Variants in C1orf146 observed in about 807,000 individuals in gnomAD.
The protein encoded by C1orf146 is protein SPO16 homolog.
In C1orf146, 22 loss-of-function variants were observed where a neutral mutation model predicts 23.0. The observed-to-expected ratio is 0.96, with a 90% CI of 0.68 to 1.36. The LOEUF (loss-of-function observed/expected upper bound fraction) is 1.36. Ranked by LOEUF, C1orf146 falls within the 40% of genes most tolerant of loss-of-function variation. The pLI is 0.00. For synonymous variants in C1orf146, 59 were observed against 65.3 expected, an observed-to-expected ratio of 0.90 and a Z score of 0.47; for missense variants, 199 against 206.8, an observed-to-expected ratio of 0.96 and a Z score of 0.23.
At chr1:92,237,063 TGTAGCTC>T (rs1192142440) in intron 2 of C1orf146, among the ~76,000 whole-genome samples, 1 of 152,184 alleles carries the variant, frequency 6.6e-6, no homozygotes, top group Non-Finnish European at 1.5e-5. Context: ...AATTTCCTCC[TGTAGCTC>T]GTAGTTTGAT....
At chr1:92,219,173 G>T (rs1003978964) in intron 1 of C1orf146, among the ~76,000 whole-genome samples, 1 of 152,126 alleles carries the variant, frequency 6.6e-6, no homozygotes, top group Admixed American at 6.5e-5. Context: ...AGCTATGTGG[G>T]TGTATTAGTA....
intron 1 of C1orf146, among the ~76,000 whole-genome samples, chr1:92,224,824 C>A (rs943418508): frequency 6.6e-6 from 1 of 152,032 alleles, no homozygotes; most frequent in African/African-American, 2.4e-5. Context: ...CTCACTGCAA[C>A]CTCTGCCTCC....
chr1:92,243,229 T>C (rs1045031045), intron 3 of C1orf146, among the ~76,000 whole-genome samples: 5 of 152,118 alleles, frequency 3.3e-5, no homozygotes. Context: ...TTCCTCAGAC[T>C]GTCTCCCACA....
At chr1:92,240,820 G>T in intron 2 of C1orf146, 2 of 415,380 alleles carry the variant, frequency 4.8e-6, no homozygotes, top group Non-Finnish European at 9.9e-6. Context: ...CATTGTGCCT[G>T]GCCAAGTTTA....
At chr1:92,239,106 T>C (rs1047174730) in intron 2 of C1orf146, among the ~76,000 whole-genome samples, 11 of 152,176 alleles carry the variant, frequency 7.2e-5, no homozygotes, top group Non-Finnish European at 1.6e-4. Flanking sequence ...GTTTTTTACA[T>C]TTTTAAACAT....
intron 1 of C1orf146, among the ~76,000 whole-genome samples, chr1:92,222,584 C>CT (rs1651855566): frequency 9.7e-5 from 1 of 10,356 alleles, no homozygotes; most frequent in Non-Finnish European, 2.0e-4. Context: ...TTTCTTTTTT[C>CT]TTTTTTCTTT....
chr1:92,222,535 G>GTTTTTTTT, intron 1 of C1orf146, among the ~76,000 whole-genome samples: 4 of 60,568 alleles, frequency 6.6e-5, no homozygotes, highest in Non-Finnish European at 1.2e-4. Context: ...CCCTTCTTCG[G>GTTTTTTTT]TTTTTTTTTT....
At chr1:92,218,782 G>C (rs927778935) in intron 1 of C1orf146, among the ~76,000 whole-genome samples, 4 of 151,760 alleles carry the variant, frequency 2.6e-5, no homozygotes, top group Non-Finnish European at 5.9e-5. Flanking sequence ...GAAGCTTTTT[G>C]TTTTCAGGTG....
At chr1:92,220,665 T>A (rs1462648196) in intron 1 of C1orf146, among the ~76,000 whole-genome samples, 3 of 152,250 alleles carry the variant, frequency 2.0e-5, no homozygotes, top group Non-Finnish European at 4.4e-5. Context: ...ATGCAATGCA[T>A]GACTGTATCT....
intron 2 of C1orf146, among the ~76,000 whole-genome samples, chr1:92,239,853 C>T (rs982812470): frequency 1.4e-4 from 21 of 152,168 alleles, no homozygotes; most frequent in Non-Finnish European, 1.2e-4. Flanking sequence ...CATTGTCACT[C>T]ATTCACATTT....
At chr1:92,244,033 C>T (rs116502808) in intron 3 of C1orf146, among the ~76,000 whole-genome samples, 184 bp from the exon 4 acceptor site, 1,542 of 151,316 alleles carry the variant, frequency 0.01, 29 homozygotes, top group African/African-American at 0.034. Context: ...TTATACAGAG[C>T]ACTTCAAAGA....
chr1:92,228,277 T>C (rs1652018966), intron 1 of C1orf146, among the ~76,000 whole-genome samples: 1 of 152,224 alleles, frequency 6.6e-6, no homozygotes, highest in African/African-American at 2.4e-5. Context: ...TGTCATATAC[T>C]GCTTTGAACA....
rs41286797 is a variant in C1orf146 at position 92,218,017 on chromosome 1, C to T, written c.-71C>T. ...CGGAACGTTCTGGAAGTTTGGGAAACCCTGAGCGGTCTCTGAGGACCTGGT... is the reference window on the plus strand; with the variant it reads ...CGGAACGTTCTGGAAGTTTGGGAAATCCTGAGCGGTCTCTGAGGACCTGGT... On this transcript the variant is annotated 5_prime_UTR_variant, in exon 1 of 6. Transcript: ENST00000370375. 1 of 152,380 alleles carries T rather than the reference C, an allele frequency of 6.6e-6. No individual in the cohort carries two copies. Among genetic ancestry groups the T allele is most frequent in the Non-Finnish European group, 1.5e-5 (1 of 68,070 alleles). 9.4% of individuals were successfully genotyped at this position (152,380 alleles called of 1,614,324 possible).
intron 3 of C1orf146, among the ~76,000 whole-genome samples, chr1:92,243,805 CAT>C (rs905727074): frequency 6.6e-6 from 1 of 152,186 alleles, no homozygotes; most frequent in African/African-American, 2.4e-5. Context: ...TAGCCCTACA[CAT>C]ATCTTCATCT....
chr1:92,238,556 A>G (rs1652351901), intron 2 of C1orf146, among the ~76,000 whole-genome samples: 1 of 152,238 alleles, frequency 6.6e-6, no homozygotes, highest in African/African-American at 2.4e-5. Flanking sequence ...TTGATGAATC[A>G]GCTCTTGAAC....
rs764337401 is a variant in C1orf146 at position 92,245,665 on chromosome 1, C to T, written c.534C>T (p.Asn178=). 4 of 1,566,352 alleles carry T rather than the reference C, an allele frequency of 2.6e-6. No individual in the cohort carries two copies. Among genetic ancestry groups the T allele is most frequent in the South Asian group, 1.2e-5 (1 of 82,388 alleles). Residue 178 remains asparagine (N), a synonymous_variant, in exon 6 of 6, where the codon AAC becomes AAT. Coordinates refer to ENST00000370375, the MANE Select transcript of C1orf146 (RefSeq NM_001012425.2). Reference sequence around the variant, plus strand: ...TAAAACTGAATAGTGATTCAGTTAACCCAAATTAGAGTACCAACTTAATGT... The same window carrying T: ...TAAAACTGAATAGTGATTCAGTTAATCCAAATTAGAGTACCAACTTAATGT... ...QKIKLNSDSV[N]PN
chr1:92,243,256 A>G (rs190166680), intron 3 of C1orf146, among the ~76,000 whole-genome samples: 17 of 152,122 alleles, frequency 1.1e-4, no homozygotes, highest in African/African-American at 4.1e-4. Context: ...GAAGAGCTAT[A>G]ATCAAGTTTC....
At chr1:92,237,609 G>C (rs1301478374) in intron 2 of C1orf146, among the ~76,000 whole-genome samples, 1 of 152,198 alleles carries the variant, frequency 6.6e-6, no homozygotes, top group Non-Finnish European at 1.5e-5. Context: ...TGCGTGCTGG[G>C]AGAACCACTG....
chr1:92,232,122 ATTATAC>A (rs1652139357), intron 2 of C1orf146, among the ~76,000 whole-genome samples: 1 of 149,006 alleles, frequency 6.7e-6, no homozygotes, highest in South Asian at 2.3e-4. Flanking sequence ...TATTTTTATT[ATTATAC>A]TTTAAGTTTT....
Sources: gnomAD v4.1 joint callset for allele counts (sites outside exome capture counted in the v4.1 genomes callset) on GRCh38, gnomAD v4.1.1 for gene constraint, MANE v1.5 for transcripts, NCBI Gene and HGNC (gene_info 2026-07-23, HGNC 2026-07-21) for gene names.